Variants in DGKB observed in about 807,000 individuals in gnomAD.
The protein encoded by DGKB is diacylglycerol kinase beta.
A neutral mutation model predicts 114.3 loss-of-function variants in DGKB; 67 were observed. That is an observed-to-expected ratio of 0.59 (90% confidence interval 0.48 to 0.72). The LOEUF (loss-of-function observed/expected upper bound fraction) is 0.72. DGKB is among the 30% of genes least tolerant of loss of function. DGKB has a pLI of 0.00. For missense variants in DGKB, 907 were observed against 975.2 expected (o/e 0.93, Z 0.93); for synonymous variants, 398 against 323.1 (o/e 1.23, Z -2.49).
chr7:14,462,152 C>T (rs1040263988), intron 21 of DGKB, among the ~76,000 whole-genome samples: 2 of 152,152 alleles, frequency 1.3e-5, no homozygotes, highest in Non-Finnish European at 2.9e-5. Flanking sequence ...CAATATCCTA[C>T]TGAATGGGCA....
chr7:14,928,643 G>T, intron 1 of DGKB, among the ~76,000 whole-genome samples: 1 of 151,668 alleles, frequency 6.6e-6, no homozygotes, highest in East Asian at 1.9e-4. Flanking sequence ...CTTTTTGTGT[G>T]TATGTTCATT....
chr7:14,689,337 G>C (rs1369301703), intron 9 of DGKB, among the ~76,000 whole-genome samples: 1 of 150,762 alleles, frequency 6.6e-6, no homozygotes, highest in Non-Finnish European at 1.5e-5. Flanking sequence ...CACTGCGCCC[G>C]GCTAATTTTT....
intron 21 of DGKB, among the ~76,000 whole-genome samples, chr7:14,388,472 CAA>C (rs1332453288): frequency 3.4e-5 from 5 of 148,428 alleles, no homozygotes; most frequent in Non-Finnish European, 5.9e-5. Context: ...GTAAAAAAGA[CAA>C]ATTAAAAATA....
At chr7:14,603,433 A>G (rs1803931485) in intron 17 of DGKB, among the ~76,000 whole-genome samples, 1 of 152,148 alleles carries the variant, frequency 6.6e-6, no homozygotes, top group Admixed American at 6.6e-5. Flanking sequence ...CAAGAGGCAT[A>G]TGTAAAAGGT....
At chr7:14,152,618 A>T (rs1245831926) in intron 25 of DGKB, among the ~76,000 whole-genome samples, 1 of 152,084 alleles carries the variant, frequency 6.6e-6, no homozygotes, top group African/African-American at 2.4e-5. Context: ...TCCTGTTTCA[A>T]ATTAAGACTG....
At chr7:14,359,660 T>C (rs1039509453) in intron 21 of DGKB, among the ~76,000 whole-genome samples, 13 of 152,214 alleles carry the variant, frequency 8.5e-5, no homozygotes, top group African/African-American at 3.1e-4. Context: ...GGGCAAAGGA[T>C]ATGAACAGAC....
chr7:14,910,808 G>T (rs1383688632), intron 1 of DGKB, among the ~76,000 whole-genome samples: 6 of 152,102 alleles, frequency 3.9e-5, no homozygotes, highest in Admixed American at 3.9e-4. Flanking sequence ...TTTGAATGCT[G>T]AGGGCAATAC....
chr7:14,701,687 G>A lies in DGKB; in HGVS notation c.510C>T (p.Asp170=), dbSNP rs1158794875. ...LYDTDGNGFL[D]SSELENIISQ... is the part of the protein sequence containing the mutation. ...CTTTGAAGAAAAAAATTACCGAGCT[G>A]TCCAGGAAGCCATTCCCATCCGTGT... The change falls in exon 7 of 26, where the codon GAC becomes GAT. Residue 170 remains aspartate (D), a synonymous_variant. Coordinates refer to ENST00000402815, the MANE Select transcript of DGKB (RefSeq NM_001350709.2). The A allele has an allele frequency of 3.1e-6, 5 of 1,610,314 alleles. No homozygotes were observed. In the African/African-American group the frequency reaches 6.7e-5, roughly 22 times the overall value.
intron 5 of DGKB, among the ~76,000 whole-genome samples, chr7:14,730,291 G>A (rs1051709267): frequency 6.6e-6 from 1 of 152,132 alleles, no homozygotes; most frequent in Non-Finnish European, 1.5e-5. Context: ...CATGGGTGGC[G>A]ATGGAGAAGG....
At chr7:14,902,191 T>C (rs1370349092) in intron 1 of DGKB, among the ~76,000 whole-genome samples, 2 of 152,232 alleles carry the variant, frequency 1.3e-5, no homozygotes, top group African/African-American at 4.8e-5. Context: ...AAATCTGGAC[T>C]GGAACTTGTA....
chr7:14,934,640 G>T (rs545130636), intron 1 of DGKB, among the ~76,000 whole-genome samples: 44 of 152,152 alleles, frequency 2.9e-4, no homozygotes, highest in African/African-American at 1.1e-3. Context: ...TCTTTGTTTG[G>T]TTTATAAACT....
At chr7:14,690,775 T>C (rs1554600169) in intron 9 of DGKB, among the ~76,000 whole-genome samples, 1 of 152,186 alleles carries the variant, frequency 6.6e-6, no homozygotes, top group South Asian at 2.1e-4. Flanking sequence ...TATAAAGTTA[T>C]TCAACAAAAA....
intron 23 of DGKB, among the ~76,000 whole-genome samples, chr7:14,196,666 A>G (rs904314437): frequency 6.6e-6 from 1 of 152,132 alleles, no homozygotes; most frequent in Non-Finnish European, 1.5e-5. Context: ...AGTAGCAGAG[A>G]AATCTATTCC....
intron 8 of DGKB, among the ~76,000 whole-genome samples, chr7:14,694,903 A>G (rs1037264388): frequency 6.6e-6 from 1 of 152,208 alleles, no homozygotes; most frequent in Non-Finnish European, 1.5e-5. Flanking sequence ...GAAATTATAT[A>G]TAAGTTCCAA....
chr7:14,301,121 T>C (rs190542090), intron 23 of DGKB, among the ~76,000 whole-genome samples: 1 of 152,302 alleles, frequency 6.6e-6, no homozygotes, highest in East Asian at 1.9e-4. Context: ...TTCTGAAGTT[T>C]ATCTGTTTGC....
chr7:14,657,013 A>G (rs1815972740), intron 13 of DGKB, among the ~76,000 whole-genome samples: 1 of 151,804 alleles, frequency 6.6e-6, no homozygotes, highest in South Asian at 2.1e-4. Context: ...TGTAACAGAT[A>G]AATGGTTGGT....
intron 4 of DGKB, among the ~76,000 whole-genome samples, chr7:14,746,871 T>C (rs1358855541): frequency 6.6e-6 from 1 of 152,188 alleles, no homozygotes; most frequent in Non-Finnish European, 1.5e-5. Context: ...TCAGGTTTTG[T>C]GTGTCTCAAA....
rs755560773 is a variant in DGKB, at chr7:14,682,655, G to A, written c.933C>T (p.Tyr311=). The A allele has an allele frequency of 4.3e-6, 7 of 1,613,276 alleles. No homozygotes were observed. The highest frequency in any genetic ancestry group is 5.1e-6 in the Non-Finnish European group (6 of 1,179,356). ...SKRNTDVMHH[Y]WVEGNCPTKC... Reference sequence around the variant, plus strand: ...TGGTTGGGCAGTTACCTTCAACCCAGTAATGGTGCATGACCTAGAACAGAA... The same window carrying A: ...TGGTTGGGCAGTTACCTTCAACCCAATAATGGTGCATGACCTAGAACAGAA... Residue 311 remains tyrosine, a synonymous_variant, in exon 12 of 26, where the codon TAC becomes TAT. Transcript: ENST00000402815.
At chr7:14,857,262 G>GTGTGTGTGTGTGTGTGTGTGTGTGTC (rs750405573) in intron 1 of DGKB, among the ~76,000 whole-genome samples, 1 of 150,676 alleles carries the variant, frequency 6.6e-6, no homozygotes, top group Non-Finnish European at 1.5e-5. Context: ...GTGTGTTTGT[G>GTGTGTGTGTGTGTGTGTGTGTGTGTC]TGTGTGTGTG....
Sources: gnomAD v4.1 joint callset for allele counts (sites outside exome capture counted in the v4.1 genomes callset) on GRCh38, gnomAD v4.1.1 for gene constraint, MANE v1.5 for transcripts, NCBI Gene and HGNC (gene_info 2026-07-23, HGNC 2026-07-21) for gene names.